RGL3: variants seen among roughly 807,000 people sequenced by gnomAD.
The protein encoded by RGL3 is ral guanine nucleotide dissociation stimulator like 3.
Under a neutral mutation model 90.6 loss-of-function variants are expected in RGL3, and 85 were observed. The observed-to-expected ratio is 0.94, with a 90% CI of 0.79 to 1.12. The LOEUF is 1.12. Among genes scored for constraint, RGL3 ranks in the 50% most tolerant of loss-of-function variants. The pLI is 0.00. For synonymous variants in RGL3, 408 were observed against 385.5 expected (o/e 1.06, Z -0.68); for missense variants, 1,034 against 939.2 (o/e 1.10, Z -1.32).
Position 11,416,984 on chromosome 19 carries a change from C to T in RGL3, c.223G>A (p.Glu75Lys), listed in dbSNP as rs1969013082. The T allele has an allele frequency of 6.2e-7, 1 of 1,613,996 alleles. No homozygotes were observed. Among genetic ancestry groups the T allele is most frequent in the African/African-American group, 1.3e-5 (1 of 75,004 alleles). Residue 75 changes from glutamate to lysine, a missense_variant, in exon 3 of 19, where the codon GAG becomes AAG. Glu to Lys is a moderately conservative substitution (Grantham distance 56, BLOSUM62 1). Transcript: ENST00000380456. ...KVRVLRAARL[E>K]RLVGELVFGD... ...AACACCAACTCTCCCACCAGCCGCT[C>T]CAGGCGCGCTGCCCTCAGCACCCTC...
intron 11 of RGL3, 83 bp downstream of exon 11, chr19:11,402,372 A>G: frequency 1.3e-6 from 2 of 1,567,760 alleles, no homozygotes; most frequent in Non-Finnish European, 1.7e-6. Flanking sequence ...GAGTACAGGT[A>G]GGATCAAGGG....
chr19:11,406,481 C>T lies in RGL3; in HGVS notation c.934G>A (p.Ala312Thr). 1 of 1,554,228 alleles carries T rather than the reference C, an allele frequency of 6.4e-7. No individual in the cohort carries two copies. The highest frequency in any genetic ancestry group is 1.2e-5 in the South Asian group (1 of 84,734). The change falls in exon 7 of 19, where the codon GCA becomes ACA. Residue 312 changes from alanine to threonine, a missense_variant. Coordinates refer to ENST00000380456, the MANE Select transcript of RGL3 (RefSeq NM_001035223.4). ...CTCTGCGGGGCGGCCAAGCCCGGTG[C>T]TCCGAGCACGGAACCCAGCACACAG... ...TGCVLGSVLGAPGLAAPQRAQ... is the reference protein window; with the variant it reads ...TGCVLGSVLGTPGLAAPQRAQ...
chr19:11,400,164 G>A, intron 14 of RGL3, 38 bp downstream of exon 14: 1 of 1,570,292 alleles, frequency 6.4e-7, no homozygotes, highest in Non-Finnish European at 8.6e-7. Context: ...GCTGATATCT[G>A]CCCACATCAC....
intron 9 of RGL3, among the ~76,000 whole-genome samples, chr19:11,404,930 A>G (rs1439206449): frequency 6.6e-6 from 1 of 152,022 alleles, no homozygotes; most frequent in African/African-American, 2.4e-5. Context: ...TGTTTTGCTG[A>G]GTGAATAAAT....
intron 5 of RGL3, chr19:11,411,226 A>G (rs1012636231): frequency 2.6e-5 from 4 of 152,054 alleles, no homozygotes; most frequent in Non-Finnish European, 5.9e-5. Context: ...AAAAAAAAAA[A>G]AAAAAGAGAA....
rs577175397 is a variant in RGL3 at position 11,406,472 on chromosome 19, A to C, written c.943T>G (p.Leu315Val). ...CGCTGCGCCCTCTGCGGGGCGGCCA[A>C]GCCCGGTGCTCCGAGCACGGAACCC... ...VLGSVLGAPG[L>V]AAPQRAQRLE... The change falls in exon 7 of 19, where the codon TTG (leucine) becomes GTG (valine). Residue 315 changes from leucine (L) to valine (V), a missense_variant. By Grantham distance (32) the Leu-to-Val change is conservative. Transcript: ENST00000380456. 5 of 1,552,924 alleles carry C rather than the reference A, an allele frequency of 3.2e-6. No homozygotes were observed. In the South Asian group the frequency reaches 4.7e-5, roughly 15 times the overall value.
At chr19:11,398,170 G>A (rs1326379066) in intron 16 of RGL3, among the ~76,000 whole-genome samples, 1 of 152,004 alleles carries the variant, frequency 6.6e-6, no homozygotes, top group Non-Finnish European at 1.5e-5. Context: ...TATAGAAACA[G>A]ACATGAACAG....
At chr19:11,401,540 C>A (rs549922359) in intron 13 of RGL3, among the ~76,000 whole-genome samples, 3 of 151,664 alleles carry the variant, frequency 2.0e-5, no homozygotes, top group African/African-American at 7.3e-5. Flanking sequence ...GGACTACAGG[C>A]GCCTGCCACT....
chr19:11,400,856 A>AAAATAAATAAAT (rs36155093), intron 13 of RGL3, among the ~76,000 whole-genome samples: 4 of 145,500 alleles, frequency 2.7e-5, no homozygotes, highest in Non-Finnish European at 4.5e-5. Context: ...CTCTGTCTCA[A>AAAATAAATAAAT]AAATAAATAA....
At chr19:11,415,260 C>T (rs1028606181) in intron 5 of RGL3, among the ~76,000 whole-genome samples, 3 of 151,614 alleles carry the variant, frequency 2.0e-5, no homozygotes, top group South Asian at 2.1e-4. Flanking sequence ...GAGACCCAGG[C>T]GGGAGGATCA....
rs762591883 is a variant in RGL3, at chr19:11,417,045, A to G, written c.162T>C (p.Ile54=). The stretch of plus-strand genomic sequence containing the variant: ...TTCGATAGTGGAGGAAGGTATTGGC[A>G]ATGGGGCTGGGAGCCTGCAGGAGGG... ...GPGGSQAPSP[I]ANTFLHYRTS... The change falls in exon 3 of 19, where the codon ATT becomes ATC. Residue 54 remains isoleucine (I), a synonymous_variant. Coordinates refer to ENST00000380456, the MANE Select transcript of RGL3 (RefSeq NM_001035223.4). 1 of 1,603,784 alleles carries G rather than the reference A, an allele frequency of 6.2e-7. No homozygotes were observed. Among genetic ancestry groups the G allele is most frequent in the African/African-American group, 1.3e-5 (1 of 74,784 alleles).
intron 9 of RGL3, among the ~76,000 whole-genome samples, chr19:11,403,726 T>A (rs1026437067): frequency 6.7e-6 from 1 of 149,348 alleles, no homozygotes; most frequent in Admixed American, 6.7e-5. Context: ...AGGGAGGAGA[T>A]AAACAGCAGG....
chr19:11,417,075 G>A lies in RGL3; in HGVS notation c.148-16C>T. The A allele has an allele frequency of 6.3e-7, 1 of 1,576,860 alleles. No individual in the cohort carries two copies. The highest frequency in any genetic ancestry group is 8.6e-7 in the Non-Finnish European group (1 of 1,159,728). On this transcript the variant is annotated splice_polypyrimidine_tract_variant and intron_variant, in intron 2 of 18. Coordinates refer to ENST00000380456, the MANE Select transcript of RGL3 (RefSeq NM_001035223.4). ...GGCTGGGAGCCTGCAGGAGGGGAGA[G>A]GTGGCCATGAGAGAGCAGGAGTGGT...
chr19:11,416,322 G>T, intron 4 of RGL3, 174 bp from the exon 5 acceptor site: 1 of 632,578 alleles, frequency 1.6e-6, no homozygotes, highest in Non-Finnish European at 2.7e-6. Flanking sequence ...GAGTAGCTGG[G>T]ACTACAGGCA....
chr19:11,401,776 G>A (rs1277072530), intron 13 of RGL3, among the ~76,000 whole-genome samples: 1 of 151,916 alleles, frequency 6.6e-6, no homozygotes, highest in Non-Finnish European at 1.5e-5. Context: ...CGAAATCCTG[G>A]GCTCAAGTGA....
intron 5 of RGL3, among the ~76,000 whole-genome samples, chr19:11,414,691 T>G (rs1002292300): frequency 4.7e-5 from 7 of 150,356 alleles, no homozygotes; most frequent in African/African-American, 1.7e-4. Flanking sequence ...CAAATACAGA[T>G]GGGTGAAAGA....
intron 5 of RGL3, among the ~76,000 whole-genome samples, chr19:11,412,252 C>T (rs1212183011): frequency 6.7e-6 from 1 of 148,836 alleles, no homozygotes; most frequent in Non-Finnish European, 1.5e-5. Context: ...TGCACTCCAG[C>T]CTGGGCAACA....
At chr19:11,418,178 TC>T (rs1176506746) in intron 2 of RGL3, among the ~76,000 whole-genome samples, 1 of 144,470 alleles carries the variant, frequency 6.9e-6, no homozygotes, top group Non-Finnish European at 1.5e-5. Flanking sequence ...CTGGAAACCC[TC>T]CCTCTCCCAT....
chr19:11,407,283 G>T (rs1261396341), intron 5 of RGL3, among the ~76,000 whole-genome samples: 1 of 152,020 alleles, frequency 6.6e-6, no homozygotes. Context: ...ACCACGCCTG[G>T]CCCTGAGTGT....
Sources: gnomAD v4.1 joint callset for allele counts (sites outside exome capture counted in the v4.1 genomes callset) on GRCh38, gnomAD v4.1.1 for gene constraint, MANE v1.5 for transcripts, NCBI Gene and HGNC (gene_info 2026-07-23, HGNC 2026-07-21) for gene names.